The following DRICH1 variants were observed in gnomAD, a reference collection of about 807,000 sequenced individuals.
The protein encoded by DRICH1 is aspartate-rich protein 1.
DRICH1 carries 38 observed loss-of-function variants against 39.5 expected under a neutral mutation model. The ratio of observed to expected loss-of-function variants is 0.96; its 90% CI spans 0.74 to 1.26. The LOEUF (loss-of-function observed/expected upper bound fraction) is 1.26, where lower values mean the gene tolerates loss of function less well. Ranked by LOEUF, DRICH1 falls within the 50% of genes most tolerant of loss-of-function variation. DRICH1 has a pLI of 0.00. For missense variants in DRICH1, 279 were observed against 270.4 expected, an observed-to-expected ratio of 1.03 and a Z score of -0.22; for synonymous variants, 84 against 99.5, an observed-to-expected ratio of 0.84 and a Z score of 0.93.
At chr22:23,606,570 C>T (rs1483879001), downstream of DRICH1, among the ~76,000 whole-genome samples, 1 of 152,226 alleles carries the variant, frequency 6.6e-6, no homozygotes, top group East Asian at 1.9e-4. Flanking sequence ...AAAGGCTGGT[C>T]TGACCAGGCG....
downstream of DRICH1, among the ~76,000 whole-genome samples, chr22:23,604,816 T>TAA (rs927963133): frequency 6.6e-6 from 1 of 152,214 alleles, no homozygotes; most frequent in African/African-American, 2.4e-5. Context: ...TTGGACTAGC[T>TAA]AAAGCCTTAT....
chr22:23,584,060 T>C, the DRICH1 span, among the ~76,000 whole-genome samples: 3 of 152,166 alleles, frequency 2.0e-5, no homozygotes, highest in Non-Finnish European at 4.4e-5. Context: ...CATCTTTCTG[T>C]GGCGGGAAAT....
chr22:23,600,378 G>GT, the DRICH1 span, among the ~76,000 whole-genome samples: 1 of 152,204 alleles, frequency 6.6e-6, no homozygotes, highest in Admixed American at 6.5e-5. Context: ...GTGCCCTACA[G>GT]TTGGCCATAG....
At chr22:23,613,431 C>T in intron 10 of DRICH1, 101 bp from the exon 11 acceptor site, 3 of 1,033,292 alleles carry the variant, frequency 2.9e-6, no homozygotes, top group African/African-American at 1.6e-5. Context: ...TAGTCTCCCA[C>T]TCCATGCTGC....
rs764616348 is a variant in DRICH1, at chr22:23,631,966, C to T, written c.58G>A (p.Asp20Asn). The change falls in exon 1 of 12, where the codon GAC (aspartate) becomes AAC (asparagine). Residue 20 changes from aspartate to asparagine, a missense_variant. Transcript: ENST00000317749. ...GTATCAGATTCATAACAGGGTGCGT[C>T]CTTCCCCCTGGGCCAGCCACAGTGG... The part of the protein sequence containing the change: ...NSHCGWPRGK[D>N]APCYESDTDI... 19 of 1,613,640 alleles carry T rather than the reference C, an allele frequency of 1.2e-5. No homozygotes were observed. In the East Asian group the frequency reaches 2.2e-4, roughly 19 times the overall value.
At chr22:23,617,748 G>T in intron 6 of DRICH1, 91 bp from the exon 7 acceptor site, 1 of 1,264,226 alleles carries the variant, frequency 7.9e-7, no homozygotes, top group Non-Finnish European at 1.2e-6. Context: ...TATGGAGGTG[G>T]TTGATTAACA....
At position 23,626,061 on chromosome 22, in the gene DRICH1, A is replaced by G; in HGVS notation, c.209-13T>C. 6.2e-7 allele frequency: 1 copy of G among 1,601,764 alleles called. No homozygotes were observed. The highest frequency in any genetic ancestry group is 1.7e-5 in the Admixed American group (1 of 59,724). ...TCCTCAGGGGGACCTAAAAGGACAC[A>G]GAGTTAATGTCAGTGCCCTGGTGGT... On this transcript the variant is annotated splice_polypyrimidine_tract_variant and intron_variant, in intron 1 of 11. Coordinates refer to ENST00000317749, the MANE Select transcript of DRICH1 (RefSeq NM_016449.4).
the DRICH1 span, among the ~76,000 whole-genome samples, chr22:23,589,684 T>C: frequency 1.3e-5 from 2 of 152,128 alleles, no homozygotes; most frequent in Non-Finnish European, 2.9e-5. Flanking sequence ...ACATCCTCAC[T>C]CTTGAGTGTC....
At chr22:23,621,220 C>T (rs1927706785) in intron 4 of DRICH1, among the ~76,000 whole-genome samples, 1 of 152,022 alleles carries the variant, frequency 6.6e-6, no homozygotes, top group Admixed American at 6.6e-5. Context: ...GCCCCCTCTC[C>T]TCCCCACTTA....
chr22:23,595,277 G>A, the DRICH1 span, among the ~76,000 whole-genome samples: 29 of 148,940 alleles, frequency 1.9e-4, no homozygotes, highest in African/African-American at 5.2e-4. Flanking sequence ...GTGAAAGTTC[G>A]TGTGTATTCA....
Position 23,608,479 on chromosome 22 carries a change from G to A in DRICH1, c.*285C>T. Reference sequence around the variant, plus strand: ...AATGCACTCAGTCTCTTTATTTCAAGTGGGAATGGCACTTTCTGCTCGTGG... The same window carrying A: ...AATGCACTCAGTCTCTTTATTTCAAATGGGAATGGCACTTTCTGCTCGTGG... On this transcript the variant is annotated 3_prime_UTR_variant, in exon 12 of 12. Coordinates refer to ENST00000317749, the MANE Select transcript of DRICH1 (RefSeq NM_016449.4). 2.0e-6 allele frequency: 1 copy of A among 498,708 alleles called. No homozygotes were observed. Among genetic ancestry groups the A allele is most frequent in the Non-Finnish European group, 3.6e-6 (1 of 277,064 alleles). 30.9% of individuals were successfully genotyped at this position (498,708 alleles called of 1,614,324 possible).
chr22:23,616,672 T>G (rs1927367053), intron 8 of DRICH1, among the ~76,000 whole-genome samples, 181 bp downstream of exon 8: 1 of 152,090 alleles, frequency 6.6e-6, no homozygotes, highest in Non-Finnish European at 1.5e-5. Flanking sequence ...CAAAATCTCC[T>G]GGTTGGTCCT....
intron 4 of DRICH1, among the ~76,000 whole-genome samples, chr22:23,621,633 G>A (rs780885690): frequency 6.6e-6 from 1 of 152,112 alleles, no homozygotes; most frequent in Non-Finnish European, 1.5e-5. Flanking sequence ...CTCACTTTCG[G>A]CCAGGTGGGG....
chr22:23,600,265 T>C, the DRICH1 span, among the ~76,000 whole-genome samples: 8,081 of 152,222 alleles, frequency 0.053, 394 homozygotes, highest in African/African-American at 0.12. Flanking sequence ...CTGAAATGTC[T>C]GAGGTTTGGA....
the DRICH1 span, among the ~76,000 whole-genome samples, chr22:23,598,223 C>G: frequency 1.4e-4 from 21 of 150,568 alleles, no homozygotes; most frequent in South Asian, 2.7e-3. Context: ...GGTCCCTGAC[C>G]CAGCTTCTCC....
chr22:23,616,893 A>G lies in DRICH1; in HGVS notation c.520-19T>C. The G allele has an allele frequency of 6.2e-7, 1 of 1,613,844 alleles. No individual in the cohort carries two copies. ...GTAAAATCTGCAATGAGATAAAAGA[A>G]GATGCTGTAAGGATCAGATCAATTC... On this transcript the variant is annotated intron_variant, in intron 7 of 11. Transcript: ENST00000317749.
At chr22:23,616,501 T>C (rs1927355373) in intron 8 of DRICH1, among the ~76,000 whole-genome samples, 1 of 152,226 alleles carries the variant, frequency 6.6e-6, no homozygotes, top group African/African-American at 2.4e-5. Flanking sequence ...CTGGAAATGC[T>C]GTATTATTAG....
At chr22:23,610,082 C>T (rs541517087) in intron 11 of DRICH1, among the ~76,000 whole-genome samples, 4 of 152,202 alleles carry the variant, frequency 2.6e-5, no homozygotes, top group Admixed American at 1.3e-4. Context: ...TTGCCCTGGC[C>T]GTCTCTCCTC....
chr22:23,624,998 C>G lies in DRICH1; in HGVS notation c.277-94G>C, dbSNP rs28425475. 7.3e-4 allele frequency: 1,027 copies of G among 1,409,840 alleles called. 3 individuals carry two copies. The African/African-American group carries it at 0.013, about 18-fold the overall frequency. The allele number at this position is 1,409,840 out of a possible 1,614,324, so 87.3% of individuals were successfully genotyped here. A position where few individuals can be genotyped will look rare whatever the true frequency, so the allele number is the denominator to read the frequency against. Reference sequence around the variant, plus strand: ...TTATTCTCTTGATGACTTCAGAAAACTACTTTTGAAACAGTGGTTGAGTCC... The same window carrying G: ...TTATTCTCTTGATGACTTCAGAAAAGTACTTTTGAAACAGTGGTTGAGTCC... On this transcript the variant is annotated intron_variant, in intron 2 of 11. Coordinates refer to ENST00000317749, the MANE Select transcript of DRICH1 (RefSeq NM_016449.4).
Sources: gnomAD v4.1 joint callset for allele counts (sites outside exome capture counted in the v4.1 genomes callset) on GRCh38, gnomAD v4.1.1 for gene constraint, MANE v1.5 for transcripts, NCBI Gene and HGNC (gene_info 2026-07-23, HGNC 2026-07-21) for gene names.